NSD2: variants seen among roughly 807,000 people sequenced by gnomAD.
NSD2 encodes the protein histone-lysine N-methyltransferase NSD2.
A neutral mutation model predicts 139.0 loss-of-function variants in NSD2; 12 were observed. That is an observed-to-expected ratio of 0.09 (90% CI 0.06 to 0.14). The LOEUF (loss-of-function observed/expected upper bound fraction) is 0.14. NSD2 is among the 10% of genes least tolerant of loss of function. NSD2 has a pLI of 1.00. For synonymous variants in NSD2, 669 were observed against 648.7 expected (o/e 1.03, Z -0.48); for missense variants, 1,155 against 1,745.0 (o/e 0.66, Z 6.02).
intron 1 of NSD2, among the ~76,000 whole-genome samples, chr4:1,895,558 C>G (rs1716156911): frequency 6.6e-6 from 1 of 150,682 alleles, no homozygotes; most frequent in African/African-American, 2.4e-5. Context: ...TTTTTTTTTC[C>G]AAGTCTGCAA....
At chr4:1,971,029 T>G (rs1223633539) in intron 18 of NSD2, among the ~76,000 whole-genome samples, 1 of 152,216 alleles carries the variant, frequency 6.6e-6, no homozygotes, top group Non-Finnish European at 1.5e-5. Flanking sequence ...CTCTGCAGCA[T>G]GCAAGGAACA....
chr4:1,955,939 GTC>G lies in NSD2; in HGVS notation c.2676-40_2676-39del. The G allele has an allele frequency of 6.2e-7, 1 of 1,611,614 alleles. No homozygotes were observed. Among genetic ancestry groups the G allele is most frequent in the African/African-American group, 1.3e-5 (1 of 74,798 alleles). On this transcript the variant is annotated intron_variant, in intron 14 of 21. Coordinates refer to ENST00000508803, the MANE Select transcript of NSD2 (RefSeq NM_001042424.3). This position sits in a 1 kb window ranked among gnomAD's most constrained non-coding sequence, Gnocchi z 4.7. ...TTAAAGTATTGAAATTATTATCGCT[GTC>G]TCTGAGGAGTCTGTGAATCCTGTTT... is the stretch of plus-strand genomic sequence containing the variant.
intron 9 of NSD2, chr4:1,940,693 G>A: frequency 2.8e-6 from 3 of 1,061,464 alleles, no homozygotes; most frequent in Non-Finnish European, 3.4e-6. Flanking sequence ...AGGGTAGTGA[G>A]GCAAGGGTTG....
rs969952927 is a variant in NSD2, at chr4:1,978,917, C to T, written c.*8C>T. On this transcript the variant is annotated 3_prime_UTR_variant, in exon 22 of 22. Transcript: ENST00000508803. ...GTCACAGAGGGCAAATAGCGCCAGG[C>T]GGCCGCTTGGCCGGATCCAGGGGCG... 5.3e-6 allele frequency: 8 copies of T among 1,496,040 alleles called. No individual in the cohort carries two copies. The highest frequency in any genetic ancestry group is 2.4e-5 in the East Asian group (1 of 41,080). 92.7% of individuals were successfully genotyped at this position (1,496,040 alleles called of 1,614,324 possible). A position where few individuals can be genotyped will look rare whatever the true frequency, so the allele number is the denominator to read the frequency against.
rs539292956 is a variant in NSD2 at position 1,976,184 on chromosome 4, C to T, written c.3622-291C>T. On this transcript the variant is annotated intron_variant, in intron 20 of 21. Coordinates refer to ENST00000508803, the MANE Select transcript of NSD2 (RefSeq NM_001042424.3). The surrounding 1 kb of genome is among the most constrained non-coding windows in gnomAD (Gnocchi z 5.3). ...TGGTGGCCTCCTTTGCCAGTGGGTC[C>T]CATCAGCAGATCCTGGAGCTGTGTG... is the stretch of plus-strand genomic sequence containing the variant. Among the ~76,000 whole-genome samples, 8 of 152,278 alleles carry T rather than the reference C, an allele frequency of 5.3e-5. No homozygotes were observed. In the East Asian group the frequency reaches 1.4e-3, roughly 26 times the overall value.
Position 1,982,044 on chromosome 4 carries a change from TAAAAACTTGA to T in NSD2, c.*3138_*3147del. 2.5e-6 allele frequency: 1 copy of T among 398,026 alleles called. No homozygotes were observed. Among genetic ancestry groups the T allele is most frequent in the Non-Finnish European group, 4.4e-6 (1 of 225,894 alleles). 24.7% of individuals were successfully genotyped at this position (398,026 alleles called of 1,614,324 possible). A position where few individuals can be genotyped will look rare whatever the true frequency, so the allele number is the denominator to read the frequency against. On this transcript the variant is annotated 3_prime_UTR_variant, in exon 22 of 22. Coordinates refer to ENST00000508803, the MANE Select transcript of NSD2 (RefSeq NM_001042424.3). ...TGTCACCAGGTTTGATAGTTAGACT[TAAAAACTTGA>T]AATTCACTTTTTGGGGGGAGGGATA...
Position 1,900,931 on chromosome 4 carries a change from G to T in NSD2, c.277G>T (p.Ala93Ser). ...CCGGGTGTTTAATGGAGAACCCGGCGCACACGATGCCAAACTGCGTTTTGA... is the reference window on the plus strand; with the variant it reads ...CCGGGTGTTTAATGGAGAACCCGGCTCACACGATGCCAAACTGCGTTTTGA... ...TSRVFNGEPG[A>S]HDAKLRFESQ... is the part of the protein sequence containing the mutation. The change falls in exon 2 of 22, where the codon GCA becomes TCA. Residue 93 changes from alanine (A) to serine (S), a missense_variant. This residue lies in a region of NSD2 where 246 missense variants were observed against 262.8 expected (regional missense o/e 0.94). Coordinates refer to ENST00000508803, the MANE Select transcript of NSD2 (RefSeq NM_001042424.3). 2 of 1,614,142 alleles carry T rather than the reference G, an allele frequency of 1.2e-6. No individual in the cohort carries two copies. The highest frequency in any genetic ancestry group is 1.7e-6 in the Non-Finnish European group (2 of 1,180,018).
At position 1,976,476 on chromosome 4, in the gene NSD2, C is replaced by T. The variant is rs1264602948; in HGVS notation, c.3623C>T (p.Thr1208Ile). The stretch of plus-strand genomic sequence containing the variant: ...TCTGTGCTTAATTCTTGACTCTAGA[C>T]CTCGACGACCCTTTCATCAGAGGAA... ...CSGFLGDRPK[T>I]STTLSSEEKG... The change falls in exon 21 of 22, where the codon ACC becomes ATC. Residue 1208 changes from threonine to isoleucine, a missense_variant and splice_region_variant. Thr to Ile is a moderately conservative substitution (Grantham distance 89, BLOSUM62 -1). Around this residue, in one of 8 missense-constraint regions of NSD2, gnomAD observed 39 missense variants for 43.5 expected, o/e 0.90. Transcript: ENST00000508803. This position sits in a 1 kb window ranked among gnomAD's most constrained non-coding sequence, Gnocchi z 5.3. 1.2e-6 allele frequency: 2 copies of T among 1,612,976 alleles called. No homozygotes were observed. Among genetic ancestry groups the T allele is most frequent in the Admixed American group, 1.7e-5 (1 of 59,760 alleles).
rs1343482718 is a variant in NSD2 at position 1,905,420 on chromosome 4, C to T, written c.760+1042C>T. Among the ~76,000 whole-genome samples the T allele has an allele frequency of 3.3e-5, 5 of 152,246 alleles. No homozygotes were observed. In the East Asian group the frequency reaches 7.7e-4, roughly 23 times the overall value. ...AATGCTCCAGTCCAATATTGCTGAC[C>T]AGTCAGCCTCTTATGGCCCCTTGGT... On this transcript the variant is annotated intron_variant, in intron 3 of 21. Transcript: ENST00000508803.
intron 21 of NSD2, among the ~76,000 whole-genome samples, chr4:1,977,116 GC>G (rs1160296024): frequency 2.0e-5 from 3 of 152,256 alleles, no homozygotes; most frequent in African/African-American, 7.2e-5. Context: ...GGGGCCCAGA[GC>G]CCCTGTCCTG....
At chr4:1,978,400 CAT>C (rs995332788) in intron 21 of NSD2, among the ~76,000 whole-genome samples, 6 of 152,174 alleles carry the variant, frequency 3.9e-5, no homozygotes, top group Non-Finnish European at 5.9e-5. Context: ...GTTGCCGAAA[CAT>C]AAAGAGACGC....
At chr4:1,969,681 G>T (rs1447063883) in intron 18 of NSD2, among the ~76,000 whole-genome samples, 1 of 152,220 alleles carries the variant, frequency 6.6e-6, no homozygotes, top group Non-Finnish European at 1.5e-5. Flanking sequence ...TTGTGCTCCA[G>T]CCTGGGCAAC....
chr4:1,939,764 T>G lies in NSD2; in HGVS notation c.1867T>G (p.Leu623Val). ...CAAAAGTTCATCTCCTTCTGCATCCTTAACTGAGAATGAGGTAAAATAATA... is the reference window on the plus strand; with the variant it reads ...CAAAAGTTCATCTCCTTCTGCATCCGTAACTGAGAATGAGGTAAAATAATA... ...FSKSSSPSAS[L>V]TENEVSDSPG... Residue 623 changes from leucine to valine, a missense_variant, in exon 9 of 22, where the codon TTA (leucine) becomes GTA (valine). Physicochemically the swap from Leu to Val is conservative, Grantham distance 32. Coordinates refer to ENST00000508803, the MANE Select transcript of NSD2 (RefSeq NM_001042424.3). The G allele has an allele frequency of 1.2e-6, 2 of 1,614,234 alleles. No homozygotes were observed. The highest frequency in any genetic ancestry group is 1.7e-6 in the Non-Finnish European group (2 of 1,180,040).
In NSD2 at chr4:1,918,295, A is replaced by G. The variant is rs1445338131; in HGVS notation, c.1082A>G (p.Lys361Arg). 2 of 1,614,050 alleles carry G rather than the reference A, an allele frequency of 1.2e-6. No individual in the cohort carries two copies. Among genetic ancestry groups the G allele is most frequent in the Admixed American group, 1.7e-5 (1 of 60,004 alleles). ...CTTCATCTCAACCCTCAAGTAGCCA[A>G]GGAGGCTGGCATTGCTGCAGAGTCT... ...DQLHLNPQVA[K>R]EAGIAAESLG... Residue 361 changes from lysine (K) to arginine (R), a missense_variant, in exon 5 of 22, where the codon AAG (lysine) becomes AGG (arginine). Lys to Arg is a conservative substitution (Grantham distance 26). Coordinates refer to ENST00000508803, the MANE Select transcript of NSD2 (RefSeq NM_001042424.3).
chr4:1,889,045 C>T (rs1260167334), intron 1 of NSD2, among the ~76,000 whole-genome samples: 4 of 151,688 alleles, frequency 2.6e-5, no homozygotes, highest in Admixed American at 6.6e-5. Context: ...TTACAGGCAC[C>T]CGCTACCATG....
In NSD2 at chr4:1,981,117, A is replaced by T. The variant is rs971464082; in HGVS notation, c.*2208A>T. On this transcript the variant is annotated 3_prime_UTR_variant, in exon 22 of 22. Coordinates refer to ENST00000508803, the MANE Select transcript of NSD2 (RefSeq NM_001042424.3). ...TGTTGGACAGTAGTGAAATCTTGTG[A>T]TTTTTAATCGCTTTGATAATACTTC... 4.3e-6 allele frequency: 1 copy of T among 233,200 alleles called. No individual in the cohort carries two copies. Among genetic ancestry groups the T allele is most frequent in the African/African-American group, 2.2e-5 (1 of 45,358 alleles). The allele number at this position is 233,200 out of a possible 1,614,324, so 14.4% of individuals were successfully genotyped here.
chr4:1,920,573 A>G (rs1432798447), intron 5 of NSD2, among the ~76,000 whole-genome samples: 1 of 152,170 alleles, frequency 6.6e-6, no homozygotes, highest in Non-Finnish European at 1.5e-5. Context: ...CCCTGTATTT[A>G]TGGGGTATAT....
intron 18 of NSD2, 60 bp downstream of exon 18, chr4:1,961,211 A>C: frequency 1.4e-6 from 2 of 1,383,498 alleles, no homozygotes; most frequent in Non-Finnish European, 2.0e-6. Context: ...CCTGATGGTC[A>C]CCTGTAGAAC....
At chr4:1,937,332 G>T (rs1340860371) in intron 7 of NSD2, among the ~76,000 whole-genome samples, 6 of 152,152 alleles carry the variant, frequency 3.9e-5, no homozygotes, top group Non-Finnish European at 8.8e-5. Context: ...GGGATTACAG[G>T]TGTGAGCCAC....
Sources: allele counts gnomAD v4.1 joint callset (sites outside exome capture counted in the v4.1 genomes callset), GRCh38; gene constraint gnomAD v4.1.1; regional missense constraint gnomAD v4.1.1; non-coding constraint Gnocchi (gnomAD v3.1); transcripts MANE v1.5; gene names NCBI Gene and HGNC (gene_info 2026-07-23, HGNC 2026-07-21).